NRXN3: variants seen among roughly 807,000 people sequenced by gnomAD.
NRXN3 encodes the protein neurexin III.
In NRXN3, 32 loss-of-function variants were observed where a neutral mutation model predicts 137.6. The ratio of observed to expected loss-of-function variants is 0.23; its 90% CI spans 0.18 to 0.31. The LOEUF is 0.31. Among genes scored for constraint, NRXN3 ranks in the 10% least tolerant of loss-of-function variants. The pLI, the probability that NRXN3 is intolerant of heterozygous loss-of-function variation, is 1.00. For missense variants in NRXN3, 1,574 were observed against 2,062.5 expected, an observed-to-expected ratio of 0.76 and a Z score of 4.59; for synonymous variants, 798 against 784.5, an observed-to-expected ratio of 1.02 and a Z score of -0.29.
chr14:78,855,975 G>GC (rs1404507672), intron 10 of NRXN3, among the ~76,000 whole-genome samples: 1 of 152,180 alleles, frequency 6.6e-6, no homozygotes. Context: ...ACCTGGTCAA[G>GC]CCACTTTACC....
At chr14:78,920,108 C>T (rs1187315728) in intron 10 of NRXN3, among the ~76,000 whole-genome samples, 2 of 152,204 alleles carry the variant, frequency 1.3e-5, no homozygotes, top group African/African-American at 4.8e-5. Flanking sequence ...ACGTTTACTT[C>T]TCATCCACCT....
chr14:78,727,535 G>GAGTTCA (rs1267259527), intron 8 of NRXN3, among the ~76,000 whole-genome samples: 3 of 152,146 alleles, frequency 2.0e-5, no homozygotes, highest in Non-Finnish European at 4.4e-5. Flanking sequence ...CTGAGGTCGG[G>GAGTTCA]AGTTCAAGAC....
At chr14:79,650,239 C>T (rs1483051643) in intron 16 of NRXN3, among the ~76,000 whole-genome samples, 1 of 152,062 alleles carries the variant, frequency 6.6e-6, no homozygotes, top group Non-Finnish European at 1.5e-5. Flanking sequence ...ATCCTGAAGG[C>T]CAGGTAATGA....
chr14:79,612,814 G>C (rs527444444), intron 16 of NRXN3, among the ~76,000 whole-genome samples: 1 of 152,064 alleles, frequency 6.6e-6, no homozygotes, highest in African/African-American at 2.4e-5. Flanking sequence ...CCACTGCACT[G>C]CAGCCTAACT....
chr14:79,501,320 G>A (rs986923962), intron 16 of NRXN3, among the ~76,000 whole-genome samples: 1 of 151,970 alleles, frequency 6.6e-6, no homozygotes, highest in Non-Finnish European at 1.5e-5. Context: ...ATGAGAGACC[G>A]AGATCCATGT....
At chr14:79,029,793 C>T (rs551035921) in intron 15 of NRXN3, among the ~76,000 whole-genome samples, 3 of 151,922 alleles carry the variant, frequency 2.0e-5, no homozygotes, top group East Asian at 2.0e-4. Flanking sequence ...CATTTTTGAC[C>T]GGATAATTCT....
chr14:78,716,140 G>A (rs998490124), intron 8 of NRXN3, among the ~76,000 whole-genome samples: 6 of 152,080 alleles, frequency 3.9e-5, no homozygotes, highest in Non-Finnish European at 4.4e-5. Flanking sequence ...TTCCCTTTTC[G>A]TTCACCACTT....
chr14:79,757,702 G>T (rs547869628), intron 19 of NRXN3, among the ~76,000 whole-genome samples: 2 of 152,090 alleles, frequency 1.3e-5, no homozygotes, highest in South Asian at 2.1e-4. Flanking sequence ...TAGGTCTGCC[G>T]CTAAGCTGTA....
chr14:79,849,382 T>C lies in NRXN3; in HGVS notation c.4094-11960T>C, dbSNP rs184600431. On this transcript the variant is annotated intron_variant, in intron 20 of 20. Transcript: ENST00000335750. Reference sequence around the variant, plus strand: ...TAGTAAGGGGCTAACTTCCAAAATTTATAAACAACTCATACAGCTCAATAA... The same window carrying C: ...TAGTAAGGGGCTAACTTCCAAAATTCATAAACAACTCATACAGCTCAATAA... Among the ~76,000 whole-genome samples the C allele has an allele frequency of 1.9e-4, 29 of 152,278 alleles. No individual in the cohort carries two copies. The East Asian group carries it at 4.4e-3, about 23-fold the overall frequency.
chr14:78,905,449 T>A (rs765117348), intron 10 of NRXN3, among the ~76,000 whole-genome samples: 6 of 152,066 alleles, frequency 3.9e-5, no homozygotes, highest in Non-Finnish European at 8.8e-5. Flanking sequence ...TCTCAGCACC[T>A]GATATCATAA....
At chr14:79,733,445 T>C (rs541352800) in intron 19 of NRXN3, among the ~76,000 whole-genome samples, 4 of 152,160 alleles carry the variant, frequency 2.6e-5, no homozygotes, top group Non-Finnish European at 5.9e-5. Flanking sequence ...CTTTTTTTCC[T>C]TAAGGCAAAG....
At chr14:79,402,015 T>C (rs542154724) in intron 15 of NRXN3, among the ~76,000 whole-genome samples, 7 of 152,236 alleles carry the variant, frequency 4.6e-5, no homozygotes, top group Admixed American at 2.0e-4. Context: ...TTCCCGGGTT[T>C]AAGCAGTCCT....
intron 8 of NRXN3, among the ~76,000 whole-genome samples, chr14:78,776,713 T>G (rs1441714432): frequency 2.0e-5 from 3 of 152,164 alleles, no homozygotes; most frequent in Non-Finnish European, 4.4e-5. Context: ...ATAAAGGACT[T>G]TGCTAGGATT....
intron 4 of NRXN3, among the ~76,000 whole-genome samples, chr14:78,351,955 C>T (rs1042462861): frequency 1.3e-5 from 2 of 151,582 alleles, no homozygotes; most frequent in Non-Finnish European, 2.9e-5. Flanking sequence ...GGTGTGTTGG[C>T]GAGCACCTGT....
intron 15 of NRXN3, among the ~76,000 whole-genome samples, chr14:79,322,436 A>G (rs1353188298): frequency 2.0e-5 from 3 of 152,222 alleles, no homozygotes; most frequent in African/African-American, 7.2e-5. Flanking sequence ...AGTGAAATAA[A>G]CAAGGAGCCC....
chr14:78,881,392 T>C (rs979646123), intron 10 of NRXN3, among the ~76,000 whole-genome samples: 2 of 151,624 alleles, frequency 1.3e-5, no homozygotes, highest in African/African-American at 2.4e-5. Flanking sequence ...ACTTCCTGGA[T>C]ACTTGTTGAA....
chr14:79,406,544 T>C (rs2095316986), intron 15 of NRXN3, among the ~76,000 whole-genome samples: 1 of 151,994 alleles, frequency 6.6e-6, no homozygotes, highest in Admixed American at 6.6e-5. Flanking sequence ...CTCAAGCAAT[T>C]CACCCTCCTC....
At chr14:78,930,894 G>A (rs925768141) in intron 10 of NRXN3, among the ~76,000 whole-genome samples, 1 of 152,126 alleles carries the variant, frequency 6.6e-6, no homozygotes, top group Non-Finnish European at 1.5e-5. Context: ...AGGGCATGTA[G>A]TACTTAGAAT....
At chr14:78,529,226 T>C (rs181344034) in intron 4 of NRXN3, among the ~76,000 whole-genome samples, 373 of 152,288 alleles carry the variant, frequency 2.4e-3, no homozygotes, top group African/African-American at 8.6e-3. Context: ...CAAGTAGAAA[T>C]AGCTGCAAGT....
Sources: gnomAD v4.1 joint callset for allele counts (sites outside exome capture counted in the v4.1 genomes callset) on GRCh38, gnomAD v4.1.1 for gene constraint, MANE v1.5 for transcripts, NCBI Gene and HGNC (gene_info 2026-07-23, HGNC 2026-07-21) for gene names.